BAZ2A: variants seen among roughly 807,000 people sequenced by gnomAD.
BAZ2A encodes bromodomain adjacent to zinc finger domain 2A.
A neutral mutation model predicts 199.9 loss-of-function variants in BAZ2A; 34 were observed. The ratio of observed to expected loss-of-function variants is 0.17; its 90% CI spans 0.13 to 0.23. The LOEUF is 0.23. Among genes scored for constraint, BAZ2A ranks in the 10% least tolerant of loss-of-function variants. BAZ2A has a pLI of 1.00. For missense variants in BAZ2A, 2,002 were observed against 2,391.1 expected, an observed-to-expected ratio of 0.84 and a Z score of 3.39; for synonymous variants, 857 against 883.9, an observed-to-expected ratio of 0.97 and a Z score of 0.54.
chr12:56,621,192 G>A (rs921350010), intron 1 of BAZ2A: 11 of 985,174 alleles, frequency 1.1e-5, no homozygotes, highest in African/African-American at 1.0e-4. Context: ...GATGGGTCAC[G>A]GTTCATTTTT....
At chr12:56,622,340 CA>C (rs566825485) in intron 1 of BAZ2A, among the ~76,000 whole-genome samples, 16 of 142,768 alleles carry the variant, frequency 1.1e-4, no homozygotes, top group Non-Finnish European at 1.8e-4. Context: ...ACTCTATCTC[CA>C]AAAAAAAAAG....
chr12:56,604,223 A>T lies in BAZ2A; in HGVS notation c.3032T>A (p.Leu1011His). The T allele has an allele frequency of 6.2e-7, 1 of 1,605,552 alleles. No individual in the cohort carries two copies. Residue 1011 changes from leucine to histidine, a missense_variant, in exon 16 of 29, where the codon CTC (leucine) becomes CAC (histidine). Physicochemically the swap from Leu to His is moderately conservative, Grantham distance 99. Around this residue, in one of 6 missense-constraint regions of BAZ2A, gnomAD observed 1,081 missense variants for 1,274.7 expected, o/e 0.85. Coordinates refer to ENST00000549884, the MANE Select transcript of BAZ2A (RefSeq NM_001300905.2). The part of the protein sequence containing the change: ...RKNKWIVEGR[L>H]RRLKTVLAKR... ...CTCTCTGTCTGGTCCCTACCTCCGG[A>T]GCCGGCCTTCAACAATCCACTTGTT... is the stretch of plus-strand genomic sequence containing the variant.
Position 56,606,264 on chromosome 12 carries a change from C to T in BAZ2A, c.2242G>A (p.Ala748Thr), listed in dbSNP as rs774541406. 6.8e-6 allele frequency: 11 copies of T among 1,614,018 alleles called. No homozygotes were observed. The highest frequency in any genetic ancestry group is 1.7e-5 in the Admixed American group (1 of 60,026). ...GCACCTACCTTGGATTTCTTCTTAGCTTCCTTCTGCTTTAAGCTCTTGGTC... is the reference window on the plus strand; with the variant it reads ...GCACCTACCTTGGATTTCTTCTTAGTTTCCTTCTGCTTTAAGCTCTTGGTC... Reference protein sequence around the residue: ...QETKSLKQKEAKKKSKAEKEK... With the variant: ...QETKSLKQKETKKKSKAEKEK... Residue 748 changes from alanine to threonine, a missense_variant, in exon 12 of 29, where the codon GCT (alanine) becomes ACT (threonine). Ala to Thr is a moderately conservative substitution (Grantham distance 58). Transcript: ENST00000549884.
In BAZ2A at chr12:56,599,783, A is replaced by G. The variant is rs1185480110; in HGVS notation, c.5091T>C (p.Arg1697=). 4 of 1,613,888 alleles carry G rather than the reference A, an allele frequency of 2.5e-6. No homozygotes were observed. The highest frequency in any genetic ancestry group is 1.1e-5 in the South Asian group (1 of 91,090). ...GACGATGGCAGTAAATGTGGCAGCC[A>G]CGGTCACACCCATCACAAAGCAGAA... ...EFLLLCDGCD[R]GCHIYCHRPK... is the part of the protein sequence containing the mutation. The change falls in exon 26 of 29, where the codon CGT becomes CGC. Residue 1697 remains arginine, a synonymous_variant. Coordinates refer to ENST00000549884, the MANE Select transcript of BAZ2A (RefSeq NM_001300905.2).
In BAZ2A at chr12:56,617,520, T is replaced by A; in HGVS notation, c.11A>T (p.Asn4Ile). MEA[N>I]DHFNFTGLPP... The stretch of plus-strand genomic sequence containing the variant: ...AAGGCCAGTAAAGTTAAAATGGTCG[T>A]TTGCCTCCATTTCTGCAGGAGGGGA... The change falls in exon 2 of 29, where the codon AAC (asparagine) becomes ATC (isoleucine). Residue 4 changes from asparagine to isoleucine, a missense_variant. Transcript: ENST00000549884. The A allele has an allele frequency of 1.2e-6, 2 of 1,606,866 alleles. No homozygotes were observed. The highest frequency in any genetic ancestry group is 1.7e-6 in the Non-Finnish European group (2 of 1,176,980).
chr12:56,599,431 A>C (rs924939216), intron 26 of BAZ2A, 73 bp from the exon 27 acceptor site: 8 of 1,489,094 alleles, frequency 5.4e-6, no homozygotes, highest in Admixed American at 2.0e-5. Flanking sequence ...TCTCTGCCTA[A>C]ATATGATTTA....
rs377263227 is a variant in BAZ2A at position 56,596,352 on chromosome 12, A to AGAT, written c.*2263_*2265dup. 119 of 152,796 alleles carry AGAT rather than the reference A, an allele frequency of 7.8e-4. No homozygotes were observed. Among genetic ancestry groups the AGAT allele is most frequent in the Middle Eastern group, 3.4e-3 (1 of 294 alleles). The allele number at this position is 152,796 out of a possible 1,614,324, so 9.5% of individuals were successfully genotyped here. On this transcript the variant is annotated 3_prime_UTR_variant, in exon 29 of 29. Coordinates refer to ENST00000549884, the MANE Select transcript of BAZ2A (RefSeq NM_001300905.2). ...TCCACCTAGCTCAAGGGGGCAGTGA[A>AGAT]GATGAGGAAAGAAAAGCAAGAAATG...
rs1950682761 is a variant in BAZ2A at position 56,615,333 on chromosome 12, G to C, written c.411C>G (p.Asn137Lys). ...CTTGGCTCCCAGCCCGAAGGTTAGT[G>C]TTATGACTTGGGGATGAAGGTTGCC... ...GSRQPSSPSH[N>K]TNLRAGSQEF... The change falls in exon 3 of 29, where the codon AAC (asparagine) becomes AAG (lysine). Residue 137 changes from asparagine (N) to lysine (K), a missense_variant. Around this residue, in one of 6 missense-constraint regions of BAZ2A, gnomAD observed 641 missense variants for 694.5 expected, o/e 0.92. Coordinates refer to ENST00000549884, the MANE Select transcript of BAZ2A (RefSeq NM_001300905.2). 6.2e-7 allele frequency: 1 copy of C among 1,613,796 alleles called. No individual in the cohort carries two copies. Among genetic ancestry groups the C allele is most frequent in the Non-Finnish European group, 8.5e-7 (1 of 1,179,862 alleles).
At chr12:56,628,726 C>G (rs559480088) in intron 1 of BAZ2A, among the ~76,000 whole-genome samples, 1 of 152,268 alleles carries the variant, frequency 6.6e-6, no homozygotes, top group African/African-American at 2.4e-5. Context: ...TCTTCACAAG[C>G]TCACTTGCTC....
At position 56,609,784 on chromosome 12, in the gene BAZ2A, G is replaced by A; in HGVS notation, c.2044C>T (p.Leu682=). The A allele has an allele frequency of 6.2e-7, 1 of 1,613,920 alleles. No individual in the cohort carries two copies. The highest frequency in any genetic ancestry group is 8.5e-7 in the Non-Finnish European group (1 of 1,179,862). ...GGGCGGTTGTCTGTCTTGTTCAATA[G>A]CTCAGTGATTTTGACCTTAGGTGGC... The part of the protein sequence containing the change: ...GRPPKVKITE[L]LNKTDNRPLK... Residue 682 remains leucine, a synonymous_variant, in exon 10 of 29, where the codon CTA becomes TTA. Coordinates refer to ENST00000549884, the MANE Select transcript of BAZ2A (RefSeq NM_001300905.2).
chr12:56,612,275 TAA>T (rs749609490), intron 5 of BAZ2A, 29 bp from the exon 6 acceptor site: 504 of 1,244,020 alleles, frequency 4.1e-4, no homozygotes, highest in Middle Eastern at 6.7e-4. Context: ...GGATAGGCTT[TAA>T]AAAAAAAAAA....
intron 4 of BAZ2A, 112 bp from the exon 5 acceptor site, chr12:56,613,345 A>C: frequency 9.5e-7 from 1 of 1,054,634 alleles, no homozygotes; most frequent in Non-Finnish European, 1.4e-6. Context: ...CAATGTGAAG[A>C]TTCTTCCTAA....
At position 56,599,204 on chromosome 12, in the gene BAZ2A, G is replaced by C; in HGVS notation, c.5327C>G (p.Ser1776Trp). The change falls in exon 27 of 29, where the codon TCG (serine) becomes TGG (tryptophan). Residue 1776 changes from serine (S) to tryptophan (W), a missense_variant. By Grantham distance (177) the Ser-to-Trp change is radical (BLOSUM62 -3). Transcript: ENST00000549884. Reference sequence around the variant, plus strand: ...CTTGGAGGGGGAGAGCCCTTCTTCCGAGTACCGAGGCCCTGCTGCTGGGCT... The same window carrying C: ...CTTGGAGGGGGAGAGCCCTTCTTCCCAGTACCGAGGCCCTGCTGCTGGGCT... ...RESPAAGPRY[S>W]EEGLSPSKRR... The C allele has an allele frequency of 6.2e-7, 1 of 1,613,238 alleles. No homozygotes were observed.
At position 56,630,249 on chromosome 12, in the gene BAZ2A, G is replaced by C. The variant is rs993800597; in HGVS notation, c.-127C>G. 1.0e-6 allele frequency: 1 copy of C among 983,588 alleles called. No homozygotes were observed. 60.9% of individuals were successfully genotyped at this position (983,588 alleles called of 1,614,324 possible). On this transcript the variant is annotated 5_prime_UTR_variant, in exon 1 of 29. Transcript: ENST00000549884. ...CCGCTGGGGAGGGGGTCTGGGGTCC[G>C]GGGTTCGGGAAGGGGGAGGGGGACG...
At chr12:56,614,186 T>C in intron 3 of BAZ2A, 48 bp from the exon 4 acceptor site, 2 of 1,568,230 alleles carry the variant, frequency 1.3e-6, no homozygotes, top group Non-Finnish European at 1.7e-6. Flanking sequence ...TGCCTTATAT[T>C]GGTTCACTTA....
At chr12:56,612,899 G>A (rs1565823408) in intron 5 of BAZ2A, 116 bp downstream of exon 5, 3 of 1,188,392 alleles carry the variant, frequency 2.5e-6, no homozygotes, top group Non-Finnish European at 2.4e-6. Context: ...TGAGATTACA[G>A]GCGTGAGCCA....
intron 1 of BAZ2A, chr12:56,621,082 A>T (rs1950907087): frequency 1.0e-6 from 1 of 985,112 alleles, no homozygotes; most frequent in Admixed American, 6.2e-5. Flanking sequence ...ATTTCATCTG[A>T]TCCTCACCTC....
chr12:56,607,232 T>G (rs774184212), intron 10 of BAZ2A, among the ~76,000 whole-genome samples: 1 of 152,216 alleles, frequency 6.6e-6, no homozygotes, highest in Non-Finnish European at 1.5e-5. Flanking sequence ...AAAGAATCAC[T>G]GACATAGTTA....
rs778320810 is a variant in BAZ2A, at chr12:56,606,625, T to TCCC, written c.2193+5_2193+7dup. ...AACCTACTGTTTCATCTCTCTGATG[T>TCCC]CCCTCACCTGCCCTTGGATAGTAGT... On this transcript the variant is annotated splice_region_variant and intron_variant, in intron 11 of 28. Coordinates refer to ENST00000549884, the MANE Select transcript of BAZ2A (RefSeq NM_001300905.2). 6.2e-7 allele frequency: 1 copy of TCCC among 1,610,296 alleles called. No individual in the cohort carries two copies. Among genetic ancestry groups the TCCC allele is most frequent in the Non-Finnish European group, 8.5e-7 (1 of 1,176,552 alleles).
Sources: allele counts gnomAD v4.1 joint callset (sites outside exome capture counted in the v4.1 genomes callset), GRCh38; gene constraint gnomAD v4.1.1; regional missense constraint gnomAD v4.1.1; transcripts MANE v1.5; gene names NCBI Gene and HGNC (gene_info 2026-07-23, HGNC 2026-07-21).